Variants in ADARB2 observed in about 807,000 individuals in gnomAD.
The protein encoded by ADARB2 is adenosine deaminase RNA specific B2 (inactive).
ADARB2 carries 25 observed loss-of-function variants against 62.2 expected under a neutral mutation model. That is an observed-to-expected ratio of 0.40 (90% CI 0.29 to 0.56). The LOEUF (loss-of-function observed/expected upper bound fraction) is 0.56, where lower values mean the gene tolerates loss of function less well. Ranked by LOEUF, ADARB2 falls within the 20% of genes least tolerant of loss-of-function variation. ADARB2 has a pLI of 0.43. For synonymous variants in ADARB2, 572 were observed against 500.8 expected (o/e 1.14, Z -1.90); for missense variants, 1,071 against 1,077.4 (o/e 0.99, Z 0.08).
At chr10:1,280,277 A>C (rs1831358284) in intron 3 of ADARB2, among the ~76,000 whole-genome samples, 1 of 152,214 alleles carries the variant, frequency 6.6e-6, no homozygotes. Flanking sequence ...TAGTTCCATC[A>C]AACAAAACAT....
intron 1 of ADARB2, among the ~76,000 whole-genome samples, chr10:1,514,691 G>A (rs1324610413): frequency 6.6e-6 from 1 of 152,108 alleles, no homozygotes; most frequent in Non-Finnish European, 1.5e-5. Context: ...AATTAGAGTT[G>A]TCACCTGTGG....
intron 4 of ADARB2, among the ~76,000 whole-genome samples, chr10:1,268,471 C>T (rs1326261593): frequency 1.5e-5 from 2 of 129,742 alleles, no homozygotes; most frequent in African/African-American, 5.9e-5. Flanking sequence ...AATGAGTTGG[C>T]ATCCCATCCA....
At chr10:1,708,108 T>A (rs780916176) in intron 1 of ADARB2, among the ~76,000 whole-genome samples, 4 of 152,236 alleles carry the variant, frequency 2.6e-5, no homozygotes, top group Non-Finnish European at 4.4e-5. Context: ...CGCAGCTCTG[T>A]CTGGGGCTCT....
chr10:1,435,028 T>A (rs112870382), intron 1 of ADARB2, among the ~76,000 whole-genome samples: 2,212 of 152,284 alleles, frequency 0.015, 43 homozygotes, highest in African/African-American at 0.041. Flanking sequence ...ACAGCTTCGT[T>A]GGGGGAAGAT....
At chr10:1,695,703 T>C (rs935573835) in intron 1 of ADARB2, among the ~76,000 whole-genome samples, 11 of 152,176 alleles carry the variant, frequency 7.2e-5, no homozygotes, top group Non-Finnish European at 1.0e-4. Flanking sequence ...TGTGTGCATG[T>C]ATGCAAACAT....
intron 1 of ADARB2, among the ~76,000 whole-genome samples, chr10:1,637,149 A>G (rs918885824): frequency 3.3e-5 from 5 of 152,278 alleles, no homozygotes; most frequent in African/African-American, 9.6e-5. Flanking sequence ...GAGCCATTTT[A>G]TTTTAAATTA....
intron 6 of ADARB2, among the ~76,000 whole-genome samples, chr10:1,225,590 C>T (rs1487771420): frequency 1.3e-5 from 2 of 152,152 alleles, no homozygotes; most frequent in Non-Finnish European, 2.9e-5. Context: ...TTCAGGAGTT[C>T]TTGTAGGGCA....
chr10:1,722,573 C>T (rs1835106066), intron 1 of ADARB2, among the ~76,000 whole-genome samples: 1 of 152,172 alleles, frequency 6.6e-6, no homozygotes, highest in Admixed American at 6.5e-5. Context: ...AAATTTAGTT[C>T]CGGGTTTTAT....
intron 1 of ADARB2, among the ~76,000 whole-genome samples, chr10:1,381,338 T>C (rs78330554): frequency 0.061 from 9,239 of 152,314 alleles, 419 homozygotes; most frequent in Non-Finnish European, 0.087. Context: ...ATTAGGGAAG[T>C]GCAAATCCAA....
At chr10:1,598,726 G>C (rs1222954077) in intron 1 of ADARB2, among the ~76,000 whole-genome samples, 1 of 152,236 alleles carries the variant, frequency 6.6e-6, no homozygotes, top group Non-Finnish European at 1.5e-5. Flanking sequence ...ACACGAAGGA[G>C]CTGGCTGTCT....
At position 1,453,788 on chromosome 10, in the gene ADARB2, A is replaced by C. The variant is rs564925153; in HGVS notation, c.101-74628T>G. Among the ~76,000 whole-genome samples the C allele has an allele frequency of 7.9e-5, 12 of 152,288 alleles. No individual in the cohort carries two copies. In the South Asian group the frequency reaches 1.5e-3, roughly 18 times the overall value. ...CTAATCATTAGGGAAATGCAAACCA[A>C]AACTGCGAGTTACCGCCTCATACCC... is the stretch of plus-strand genomic sequence containing the variant. On this transcript the variant is annotated intron_variant, in intron 1 of 9. Coordinates refer to ENST00000381312, the MANE Select transcript of ADARB2 (RefSeq NM_018702.4).
chr10:1,548,414 G>C (rs1832559354), intron 1 of ADARB2, among the ~76,000 whole-genome samples: 1 of 152,222 alleles, frequency 6.6e-6, no homozygotes. Context: ...GAGCCTGAGG[G>C]GGGTTTCGGG....
chr10:1,601,568 T>TTG (rs1833413868), intron 1 of ADARB2, among the ~76,000 whole-genome samples: 1 of 152,230 alleles, frequency 6.6e-6, no homozygotes, highest in Non-Finnish European at 1.5e-5. Context: ...CTCATGTCTG[T>TTG]TCCTTTTGCA....
At chr10:1,533,739 G>C (rs750178753) in intron 1 of ADARB2, among the ~76,000 whole-genome samples, 4 of 152,102 alleles carry the variant, frequency 2.6e-5, no homozygotes, top group Non-Finnish European at 5.9e-5. Flanking sequence ...AAGATCTTAC[G>C]CATATTCCAT....
chr10:1,197,313 CAGAG>C (rs749426853), intron 8 of ADARB2, among the ~76,000 whole-genome samples: 2 of 152,134 alleles, frequency 1.3e-5, no homozygotes, highest in African/African-American at 4.8e-5. Context: ...TAAATGGCAA[CAGAG>C]AGAGACTTTG....
chr10:1,447,802 T>C (rs570580447), intron 1 of ADARB2, among the ~76,000 whole-genome samples: 1 of 152,350 alleles, frequency 6.6e-6, no homozygotes, highest in Non-Finnish European at 1.5e-5. Flanking sequence ...ATCATTTAGC[T>C]CCTGCTTACA....
intron 7 of ADARB2, among the ~76,000 whole-genome samples, chr10:1,211,594 C>T (rs764067396): frequency 5.9e-5 from 9 of 152,170 alleles, no homozygotes; most frequent in Admixed American, 3.3e-4. Flanking sequence ...TATTTCTGGA[C>T]GAGACCATGG....
intron 1 of ADARB2, among the ~76,000 whole-genome samples, chr10:1,672,633 C>T (rs1834403019): frequency 1.4e-5 from 1 of 73,306 alleles, no homozygotes; most frequent in Non-Finnish European, 3.8e-5. Context: ...ACACACTTTC[C>T]CCTCCTCCTT....
At chr10:1,256,698 T>C (rs1831082215) in intron 4 of ADARB2, among the ~76,000 whole-genome samples, 1 of 152,180 alleles carries the variant, frequency 6.6e-6, no homozygotes, top group Non-Finnish European at 1.5e-5. Flanking sequence ...ATAAATATGG[T>C]AATTACACAT....
Sources: allele counts gnomAD v4.1 joint callset (sites outside exome capture counted in the v4.1 genomes callset), GRCh38; gene constraint gnomAD v4.1.1; transcripts MANE v1.5; gene names NCBI Gene and HGNC (gene_info 2026-07-23, HGNC 2026-07-21).